The following OGA variants were observed in gnomAD, a reference collection of about 807,000 sequenced individuals.
The protein encoded by OGA is protein O-GlcNAcase.
OGA carries 21 observed loss-of-function variants against 102.0 expected under a neutral mutation model. That is an observed-to-expected ratio of 0.21 (90% CI 0.15 to 0.30). The LOEUF (loss-of-function observed/expected upper bound fraction) is 0.30, where lower values mean the gene tolerates loss of function less well. OGA is among the 10% of genes least tolerant of loss of function. The pLI, the probability that OGA is intolerant of heterozygous loss-of-function variation, is 1.00. For synonymous variants in OGA, 408 were observed against 378.2 expected, an observed-to-expected ratio of 1.08 and a Z score of -0.91; for missense variants, 765 against 1,107.8, an observed-to-expected ratio of 0.69 and a Z score of 4.39.
chr10:101,808,880 G>T (rs949127505), intron 4 of OGA, among the ~76,000 whole-genome samples: 1 of 151,986 alleles, frequency 6.6e-6, no homozygotes, highest in Non-Finnish European at 1.5e-5. Context: ...TGAGGCCAGA[G>T]AATTGCTTGA....
chr10:101,787,700 AG>A (rs1238447865), intron 14 of OGA, 177 bp from the exon 15 acceptor site: 3 of 584,510 alleles, frequency 5.1e-6, no homozygotes, highest in Non-Finnish European at 8.8e-6. Flanking sequence ...TCTTTGAGAC[AG>A]GATCTCCTTC....
Position 101,803,725 on chromosome 10 carries a change from G to A in OGA, c.1036+10C>T. ...CTCCCAAGGTGAAAGATCAAGTACAGGCTACTTACTCATCACTACATCTTT... is the reference window on the plus strand; with the variant it reads ...CTCCCAAGGTGAAAGATCAAGTACAAGCTACTTACTCATCACTACATCTTT... On this transcript the variant is annotated intron_variant, in intron 7 of 15. Coordinates refer to ENST00000361464, the MANE Select transcript of OGA (RefSeq NM_012215.5). 6.2e-7 allele frequency: 1 copy of A among 1,611,070 alleles called. No individual in the cohort carries two copies. The highest frequency in any genetic ancestry group is 8.5e-7 in the Non-Finnish European group (1 of 1,177,536).
chr10:101,787,616 A>G (rs1479249685), intron 14 of OGA, 93 bp from the exon 15 acceptor site: 15 of 1,007,954 alleles, frequency 1.5e-5, no homozygotes, highest in Non-Finnish European at 2.2e-5. Context: ...GCAATATTTA[A>G]TAACTCTTCC....
chr10:101,813,936 A>G (rs941252804), intron 1 of OGA, among the ~76,000 whole-genome samples: 2 of 152,222 alleles, frequency 1.3e-5, no homozygotes, highest in African/African-American at 4.8e-5. Context: ...CCAATTTTTT[A>G]AGAGATCTCA....
At chr10:101,811,511 C>A (rs887710220) in intron 3 of OGA, among the ~76,000 whole-genome samples, 1 of 148,674 alleles carries the variant, frequency 6.7e-6, no homozygotes. Context: ...GAGACCAGCA[C>A]AGGCAACATG....
chr10:101,814,158 GTC>G (rs1295315656), intron 1 of OGA, among the ~76,000 whole-genome samples: 1 of 152,056 alleles, frequency 6.6e-6, no homozygotes, highest in East Asian at 1.9e-4. Context: ...GTGAAACCAT[GTC>G]TCTACTAAAA....
chr10:101,802,327 T>C (rs905418312), intron 7 of OGA, among the ~76,000 whole-genome samples: 1 of 152,186 alleles, frequency 6.6e-6, no homozygotes, highest in East Asian at 1.9e-4. Flanking sequence ...ACAACACTTA[T>C]CACACTATAG....
At chr10:101,813,379 A>C (rs917085714) in intron 2 of OGA, among the ~76,000 whole-genome samples, 176 bp downstream of exon 2, 2 of 152,228 alleles carry the variant, frequency 1.3e-5, no homozygotes, top group Non-Finnish European at 2.9e-5. Context: ...GCTCCCCAGG[A>C]AAAGTTTGAA....
At chr10:101,796,506 C>T (rs917248147) in intron 10 of OGA, among the ~76,000 whole-genome samples, 3 of 151,940 alleles carry the variant, frequency 2.0e-5, no homozygotes, top group African/African-American at 4.8e-5. Context: ...GTGGTCTGCC[C>T]GCCTAGGCCT....
At chr10:101,806,213 T>C in intron 5 of OGA, 70 bp from the exon 6 acceptor site, 1 of 1,012,324 alleles carries the variant, frequency 9.9e-7, no homozygotes, top group South Asian at 1.3e-5. Context: ...GTTTGTTTGT[T>C]TTCTTTGAGA....
At chr10:101,817,240 A>C in intron 1 of OGA, among the ~76,000 whole-genome samples, 1 of 152,256 alleles carries the variant, frequency 6.6e-6, no homozygotes, top group Non-Finnish European at 1.5e-5. Flanking sequence ...CTGTGATTAA[A>C]GCCAAAGTTT....
rs1226875734 is a variant in OGA at position 101,807,907 on chromosome 10, A to AG, written c.481-7dup. On this transcript the variant is annotated splice_polypyrimidine_tract_variant and splice_region_variant and intron_variant, in intron 4 of 15. Transcript: ENST00000361464. ...CTGCACCCAAACTGAGAAACCTAGG[A>AG]GAAAAAAAAAAAAAAGAATCAAGAG... The AG allele has an allele frequency of 1.3e-6, 2 of 1,489,036 alleles. No individual in the cohort carries two copies. The highest frequency in any genetic ancestry group is 2.4e-5 in the Admixed American group (1 of 41,374). The allele number at this position is 1,489,036 out of a possible 1,614,324, so 92.2% of individuals were successfully genotyped here.
intron 4 of OGA, among the ~76,000 whole-genome samples, chr10:101,809,123 A>G (rs2065515091): frequency 6.6e-6 from 1 of 152,190 alleles, no homozygotes; most frequent in Non-Finnish European, 1.5e-5. Context: ...CTTCGTCCAT[A>G]TAATTGAAGA....
In OGA at chr10:101,798,866, A is replaced by G. The variant is rs2065353871; in HGVS notation, c.1785T>C (p.Asn595=). ...LRANSSVVSV[N]CKGKDSEKIE... ...CTTTTTCAGAGTCTTTTCCTTTGCA[A>G]TTGACACTGACAACACTACTATTTG... is the stretch of plus-strand genomic sequence containing the variant. The change falls in exon 9 of 16, where the codon AAT becomes AAC. Residue 595 remains asparagine (N), a synonymous_variant. Transcript: ENST00000361464. 1 of 1,613,756 alleles carries G rather than the reference A, an allele frequency of 6.2e-7. No homozygotes were observed. Among genetic ancestry groups the G allele is most frequent in the Non-Finnish European group, 8.5e-7 (1 of 1,179,756 alleles).
intron 10 of OGA, chr10:101,797,202 G>A (rs1010844958): frequency 6.6e-6 from 1 of 152,180 alleles, no homozygotes. Flanking sequence ...TGACATGTCA[G>A]TCAGCCTTGC....
At chr10:101,804,272 CTT>C (rs965762850) in intron 6 of OGA, among the ~76,000 whole-genome samples, 11 of 131,894 alleles carry the variant, frequency 8.3e-5, no homozygotes, top group African/African-American at 2.2e-4. Flanking sequence ...CTTACGTGTA[CTT>C]TTTTTTTTTT....
chr10:101,788,989 C>T (rs2065224582), intron 14 of OGA, among the ~76,000 whole-genome samples: 1 of 152,158 alleles, frequency 6.6e-6, no homozygotes, highest in South Asian at 2.1e-4. Flanking sequence ...GTATTCCTTA[C>T]ATGAAAATGT....
intron 1 of OGA, among the ~76,000 whole-genome samples, chr10:101,814,612 T>A (rs944697562): frequency 3.9e-5 from 6 of 152,030 alleles, no homozygotes; most frequent in African/African-American, 1.5e-4. Context: ...CCACATACAA[T>A]GATATAATCA....
Position 101,791,391 on chromosome 10 carries a change from A to C in OGA, c.2224T>G (p.Leu742Val). 4 of 1,614,094 alleles carry C rather than the reference A, an allele frequency of 2.5e-6. No individual in the cohort carries two copies. The highest frequency in any genetic ancestry group is 3.4e-6 in the Non-Finnish European group (4 of 1,179,986). The change falls in exon 13 of 16, where the codon TTA (leucine) becomes GTA (valine). Residue 742 changes from leucine to valine, a missense_variant. Around this residue, in one of 7 missense-constraint regions of OGA, gnomAD observed 146 missense variants for 269.7 expected, o/e 0.54. Transcript: ENST00000361464. ...CREMYDDGVGLPFQSQPDLIG... is the reference protein window; with the variant it reads ...CREMYDDGVGVPFQSQPDLIG... ...AGATCAGGCTGACTTTGAAAGGGTA[A>C]ACCCACTCCATCGTCATACATTTCT...
Sources: allele counts gnomAD v4.1 joint callset (sites outside exome capture counted in the v4.1 genomes callset), GRCh38; gene constraint gnomAD v4.1.1; regional missense constraint gnomAD v4.1.1; transcripts MANE v1.5; gene names NCBI Gene and HGNC (gene_info 2026-07-23, HGNC 2026-07-21).